DCBLD2: variants seen among roughly 807,000 people sequenced by gnomAD.
DCBLD2 encodes the protein discoidin, CUB and LCCL domain-containing protein 2.
A neutral mutation model predicts 86.8 loss-of-function variants in DCBLD2; 54 were observed. The ratio of observed to expected loss-of-function variants is 0.62; its 90% CI spans 0.50 to 0.78. DCBLD2 has a LOEUF of 0.78. Ranked by LOEUF, DCBLD2 falls within the 30% of genes least tolerant of loss-of-function variation. DCBLD2 has a pLI of 0.00. For synonymous variants in DCBLD2, 354 were observed against 341.3 expected (o/e 1.04, Z -0.41); for missense variants, 908 against 954.2 (o/e 0.95, Z 0.64).
At chr3:98,803,534 A>G (rs546816919) in intron 13 of DCBLD2, among the ~76,000 whole-genome samples, 1 of 152,204 alleles carries the variant, frequency 6.6e-6, no homozygotes, top group East Asian at 1.9e-4. Context: ...AATACCCTTT[A>G]TTTCTTTCTC....
Position 98,822,657 on chromosome 3 carries a change from T to A in DCBLD2, c.696+12A>T. On this transcript the variant is annotated intron_variant, in intron 5 of 15. Transcript: ENST00000326840. ...ATATCACAATTTTCAAATAAGTTTATATCTGGCTTACATCTCTATATCCAT... is the reference window on the plus strand; with the variant it reads ...ATATCACAATTTTCAAATAAGTTTAAATCTGGCTTACATCTCTATATCCAT... 1.3e-6 allele frequency: 2 copies of A among 1,560,548 alleles called. No homozygotes were observed. The highest frequency in any genetic ancestry group is 1.7e-6 in the Non-Finnish European group (2 of 1,154,838).
chr3:98,812,973 C>G (rs1941963336), intron 9 of DCBLD2: 1 of 152,430 alleles, frequency 6.6e-6, no homozygotes. Context: ...AAACATATAA[C>G]AGATATATAC....
chr3:98,859,488 C>T (rs1332854248), intron 2 of DCBLD2, among the ~76,000 whole-genome samples: 9 of 152,194 alleles, frequency 5.9e-5, no homozygotes, highest in African/African-American at 1.4e-4. Context: ...TAGGGGCAGA[C>T]TGATACCTCA....
At chr3:98,866,180 G>T (rs1943140463) in intron 2 of DCBLD2, among the ~76,000 whole-genome samples, 1 of 152,152 alleles carries the variant, frequency 6.6e-6, no homozygotes, top group South Asian at 2.1e-4. Flanking sequence ...ACGTGTGCAT[G>T]TGTCTTTATA....
chr3:98,827,461 T>G (rs1942243230), intron 3 of DCBLD2, among the ~76,000 whole-genome samples: 1 of 152,188 alleles, frequency 6.6e-6, no homozygotes, highest in Non-Finnish European at 1.5e-5. Context: ...TCTGGTCAAC[T>G]ATGGATTATT....
chr3:98,812,828 C>T (rs1941960845), intron 9 of DCBLD2: 1 of 156,110 alleles, frequency 6.4e-6, no homozygotes, highest in Admixed American at 6.5e-5. Flanking sequence ...TGTGGAATTA[C>T]CAACTATTTA....
chr3:98,866,767 A>G, intron 2 of DCBLD2, among the ~76,000 whole-genome samples: 1 of 152,230 alleles, frequency 6.6e-6, no homozygotes. Flanking sequence ...TGTTTCAGAC[A>G]TGAAGTCCTT....
chr3:98,860,882 C>T (rs368824127), intron 2 of DCBLD2, among the ~76,000 whole-genome samples: 1 of 152,100 alleles, frequency 6.6e-6, no homozygotes, highest in African/African-American at 2.4e-5. Context: ...CAATATTAAC[C>T]TTAAATGTAA....
chr3:98,865,313 TAAC>T (rs1251708884), intron 2 of DCBLD2, among the ~76,000 whole-genome samples: 2 of 152,100 alleles, frequency 1.3e-5, no homozygotes, highest in Non-Finnish European at 2.9e-5. Context: ...CTGACATTTC[TAAC>T]AACATGGATG....
At chr3:98,866,980 T>G (rs1426198226) in intron 2 of DCBLD2, among the ~76,000 whole-genome samples, 1 of 152,224 alleles carries the variant, frequency 6.6e-6, no homozygotes, top group Non-Finnish European at 1.5e-5. Context: ...TCCCCATTTC[T>G]TGTTTTTGTC....
chr3:98,809,888 A>T (rs974105268), intron 12 of DCBLD2, among the ~76,000 whole-genome samples: 1 of 152,194 alleles, frequency 6.6e-6, no homozygotes, highest in African/African-American at 2.4e-5. Flanking sequence ...ACAACGGTAA[A>T]TGTGCTTTTT....
intron 3 of DCBLD2, among the ~76,000 whole-genome samples, chr3:98,827,712 A>G (rs746040391): frequency 6.6e-6 from 1 of 152,222 alleles, no homozygotes; most frequent in Non-Finnish European, 1.5e-5. Context: ...AACATCAAAT[A>G]AAGCAGGCAA....
chr3:98,837,872 ACC>A (rs1167528081), intron 3 of DCBLD2, among the ~76,000 whole-genome samples: 1 of 106,456 alleles, frequency 9.4e-6, no homozygotes, highest in Non-Finnish European at 2.1e-5. Context: ...CGGGGGGCTG[ACC>A]CCCCCACCTC....
chr3:98,884,349 G>A (rs912577049), intron 1 of DCBLD2, among the ~76,000 whole-genome samples: 1 of 151,566 alleles, frequency 6.6e-6, no homozygotes, highest in African/African-American at 2.4e-5. Context: ...GGATTTCTGT[G>A]CAATATATCC....
intron 1 of DCBLD2, among the ~76,000 whole-genome samples, chr3:98,896,477 G>A (rs1943752176): frequency 6.6e-6 from 1 of 152,158 alleles, no homozygotes; most frequent in Admixed American, 6.5e-5. Flanking sequence ...TGAAATTTTT[G>A]TTTTACTGTA....
At position 98,901,121 on chromosome 3, in the gene DCBLD2, C is replaced by T. The variant is rs770301952; in HGVS notation, c.205+1G>A. 6.5e-7 allele frequency: 1 copy of T among 1,539,722 alleles called. No homozygotes were observed. The highest frequency in any genetic ancestry group is 1.2e-5 in the South Asian group (1 of 84,040). ...CCGCTCACTCCCCTGGGACCACTCA[C>T]CTTGCTGGGCTCCAGCGTCCTCGAG... is the stretch of plus-strand genomic sequence containing the variant. On this transcript the variant is annotated splice_donor_variant, in intron 1 of 15. Coordinates refer to ENST00000326840, the MANE Select transcript of DCBLD2 (RefSeq NM_080927.4). LOFTEE classifies it high-confidence loss of function.
chr3:98,829,521 A>T (rs1264746055), intron 3 of DCBLD2, among the ~76,000 whole-genome samples: 1 of 152,178 alleles, frequency 6.6e-6, no homozygotes, highest in Non-Finnish European at 1.5e-5. Context: ...AAAAGTAAGA[A>T]CATGTGGTAT....
At chr3:98,865,516 G>A (rs566298053) in intron 2 of DCBLD2, among the ~76,000 whole-genome samples, 2 of 152,060 alleles carry the variant, frequency 1.3e-5, no homozygotes, top group East Asian at 3.9e-4. Context: ...CAGTTACATA[G>A]GAGTGATAAG....
Position 98,797,431 on chromosome 3 carries a change from T to C in DCBLD2, c.*1941A>G, listed in dbSNP as rs1341934233. ...TTAAAGCTTCAAACAGGTATATTAC[T>C]TGAGGAAAAGTATATTCTCTGTGTA... On this transcript the variant is annotated 3_prime_UTR_variant, in exon 16 of 16. Transcript: ENST00000326840. 2.0e-5 allele frequency: 3 copies of C among 152,628 alleles called. No individual in the cohort carries two copies. Among genetic ancestry groups the C allele is most frequent in the Admixed American group, 6.5e-5 (1 of 15,282 alleles). 9.5% of individuals were successfully genotyped at this position (152,628 alleles called of 1,614,324 possible).
Sources: gnomAD v4.1 joint callset for allele counts (sites outside exome capture counted in the v4.1 genomes callset) on GRCh38, gnomAD v4.1.1 for gene constraint, MANE v1.5 for transcripts, NCBI Gene and HGNC (gene_info 2026-07-23, HGNC 2026-07-21) for gene names.